OTOGL: variants seen among roughly 807,000 people sequenced by gnomAD.
OTOGL encodes otogelin-like protein.
OTOGL carries 285 observed loss-of-function variants against 318.5 expected under a neutral mutation model. That is an observed-to-expected ratio of 0.89 (90% CI 0.81 to 0.99). The LOEUF (loss-of-function observed/expected upper bound fraction) is 0.99. OTOGL is among the 50% of genes least tolerant of loss of function. The pLI is 0.00. For synonymous variants in OTOGL, 987 were observed against 936.5 expected, an observed-to-expected ratio of 1.05 and a Z score of -0.99; for missense variants, 2,899 against 2,845.6, an observed-to-expected ratio of 1.02 and a Z score of -0.43.
At chr12:80,160,520 A>G (rs756496106) in intron 1 of OTOGL, among the ~76,000 whole-genome samples, 15 of 152,218 alleles carry the variant, frequency 9.9e-5, no homozygotes, top group Non-Finnish European at 2.1e-4. Flanking sequence ...TGCAAATCAA[A>G]ACCACAATGC....
At chr12:80,256,530 C>G in intron 17 of OTOGL, 70 bp downstream of exon 17, 1 of 859,730 alleles carries the variant, frequency 1.2e-6, no homozygotes, top group Non-Finnish European at 1.7e-6. Flanking sequence ...ACAACACACG[C>G]AAACAAAATG....
At chr12:80,276,034 C>T (rs1188537979) in intron 24 of OTOGL, among the ~76,000 whole-genome samples, 10 of 151,714 alleles carry the variant, frequency 6.6e-5, no homozygotes, top group African/African-American at 2.4e-4. Flanking sequence ...AACAATATCT[C>T]TGAAATACAC....
intron 1 of OTOGL, among the ~76,000 whole-genome samples, chr12:80,147,335 G>T (rs202129641): frequency 6.8e-6 from 1 of 146,110 alleles, no homozygotes; most frequent in Non-Finnish European, 1.5e-5. Context: ...TCAGGAGCAG[G>T]TTGTTCAGTT....
chr12:80,129,990 T>C (rs1308874383), intron 1 of OTOGL, among the ~76,000 whole-genome samples: 1 of 152,346 alleles, frequency 6.6e-6, no homozygotes, highest in East Asian at 1.9e-4. Flanking sequence ...ATCTCCATTC[T>C]TTTCCTCCAA....
chr12:80,327,993 A>G (rs1887806577), intron 35 of OTOGL, among the ~76,000 whole-genome samples: 1 of 145,816 alleles, frequency 6.9e-6, no homozygotes, highest in Non-Finnish European at 1.5e-5. Context: ...AAAGAGTGGA[A>G]AGCAACAGTA....
At position 80,336,562 on chromosome 12, in the gene OTOGL, C is replaced by A; in HGVS notation, c.4743+7C>A. On this transcript the variant is annotated splice_region_variant and intron_variant, in intron 40 of 58. Coordinates refer to ENST00000547103, the MANE Select transcript of OTOGL (RefSeq NM_001378609.3). ...AAAATGTTCCATGAATCAGGTGGGT[C>A]ATAATTTATTTTTGCAGTCATTTCA... 1 of 1,601,104 alleles carries A rather than the reference C, an allele frequency of 6.2e-7. No individual in the cohort carries two copies. The highest frequency in any genetic ancestry group is 8.5e-7 in the Non-Finnish European group (1 of 1,172,678).
chr12:80,330,947 A>G (rs1364182858), intron 37 of OTOGL, among the ~76,000 whole-genome samples: 1 of 152,246 alleles, frequency 6.6e-6, no homozygotes, highest in Non-Finnish European at 1.5e-5. Flanking sequence ...TGTACCATAA[A>G]AGCTATGAAA....
chr12:80,362,179 A>G (rs1358917104), intron 52 of OTOGL, among the ~76,000 whole-genome samples: 1 of 152,194 alleles, frequency 6.6e-6, no homozygotes, highest in African/African-American at 2.4e-5. Context: ...ATAATGGTCT[A>G]ATATAATTTG....
chr12:80,109,495 C>A (rs1418126715), intron 1 of OTOGL, among the ~76,000 whole-genome samples: 2 of 152,114 alleles, frequency 1.3e-5, no homozygotes, highest in African/African-American at 2.4e-5. Context: ...CAGAAATTTT[C>A]TCTGCCATTG....
At chr12:80,156,342 T>C (rs868264623) in intron 1 of OTOGL, among the ~76,000 whole-genome samples, 12 of 152,324 alleles carry the variant, frequency 7.9e-5, no homozygotes, top group Middle Eastern at 3.4e-3. Context: ...GCTTCTCAGC[T>C]TACAGACAGC....
chr12:80,367,556 C>T lies in OTOGL; in HGVS notation c.6332-5C>T, dbSNP rs995202995. On this transcript the variant is annotated splice_region_variant and splice_polypyrimidine_tract_variant and intron_variant, in intron 53 of 58. Coordinates refer to ENST00000547103, the MANE Select transcript of OTOGL (RefSeq NM_001378609.3). Reference sequence around the variant, plus strand: ...TTTCTTATTGACTATGTTTTCTGTTCTTAGAAAAGGATGATGTGTGTGTAT... The same window carrying T: ...TTTCTTATTGACTATGTTTTCTGTTTTTAGAAAAGGATGATGTGTGTGTAT... The T allele has an allele frequency of 6.7e-7, 1 of 1,494,366 alleles. No individual in the cohort carries two copies. The highest frequency in any genetic ancestry group is 2.2e-5 in the Admixed American group (1 of 46,340). 92.6% of individuals were successfully genotyped at this position (1,494,366 alleles called of 1,614,324 possible).
rs1462394374 is a variant in OTOGL, at chr12:80,178,066, T to TC, written c.-19-31347_-19-31346insC. Among the ~76,000 whole-genome samples, 103 of 133,300 alleles carry TC rather than the reference T, an allele frequency of 7.7e-4. 1 individual carries two copies. Among genetic ancestry groups the TC allele is most frequent in the African/African-American group, 2.7e-3 (100 of 37,036 alleles). The allele number at this position is 133,300 out of a possible 152,430, so 87.4% of individuals were successfully genotyped here. On this transcript the variant is annotated intron_variant, in intron 1 of 58. Coordinates refer to ENST00000547103, the MANE Select transcript of OTOGL (RefSeq NM_001378609.3). ...TTTTCTTTCTTTCTTTCTTTCTTTTTTTTTTTTTTTTTTTTTGAGACAGAG... is the reference window on the plus strand; with the variant it reads ...TTTTCTTTCTTTCTTTCTTTCTTTTTCTTTTTTTTTTTTTTTTGAGACAGAG...
chr12:80,135,164 C>A (rs1477688075), intron 1 of OTOGL, among the ~76,000 whole-genome samples: 13 of 151,960 alleles, frequency 8.6e-5, no homozygotes, highest in Admixed American at 6.6e-4. Context: ...TCCCTGCTTT[C>A]ATCTCATATC....
intron 1 of OTOGL, among the ~76,000 whole-genome samples, chr12:80,139,285 T>C (rs565303054): frequency 1.8e-4 from 27 of 152,302 alleles, no homozygotes; most frequent in Non-Finnish European, 3.8e-4. Context: ...CTAAGTTAGC[T>C]GTCCTAATTA....
chr12:80,356,268 T>C (rs1889892452), intron 47 of OTOGL, 148 bp from the exon 48 acceptor site: 2 of 636,718 alleles, frequency 3.1e-6, no homozygotes, highest in Admixed American at 3.1e-5. Flanking sequence ...GTTAGATGAG[T>C]GGGTTAACTG....
chr12:80,125,564 A>C (rs567106269), intron 1 of OTOGL, among the ~76,000 whole-genome samples: 110 of 152,240 alleles, frequency 7.2e-4, no homozygotes, highest in African/African-American at 2.5e-3. Context: ...AAATGAGTTA[A>C]GGAGGATTCT....
intron 1 of OTOGL, among the ~76,000 whole-genome samples, chr12:80,119,213 A>G (rs1226461228): frequency 2.6e-5 from 4 of 152,190 alleles, no homozygotes; most frequent in Non-Finnish European, 5.9e-5. Flanking sequence ...AGGCCAGTGA[A>G]ATACGATTCT....
At chr12:80,361,578 A>G (rs1289854297) in intron 52 of OTOGL, among the ~76,000 whole-genome samples, 1 of 152,118 alleles carries the variant, frequency 6.6e-6, no homozygotes, top group Non-Finnish European at 1.5e-5. Context: ...CATAATGACT[A>G]TGCTAATTTA....
At chr12:80,172,149 T>G (rs1186511735) in intron 1 of OTOGL, among the ~76,000 whole-genome samples, 1 of 152,144 alleles carries the variant, frequency 6.6e-6, no homozygotes, top group Non-Finnish European at 1.5e-5. Context: ...TAGCCATACT[T>G]GTATGATTTC....
Sources: gnomAD v4.1 joint callset for allele counts (sites outside exome capture counted in the v4.1 genomes callset) on GRCh38, gnomAD v4.1.1 for gene constraint, MANE v1.5 for transcripts, NCBI Gene and HGNC (gene_info 2026-07-23, HGNC 2026-07-21) for gene names.